PCDH17: variants seen among roughly 807,000 people sequenced by gnomAD.
PCDH17 encodes the protein protocadherin 17.
Under a neutral mutation model 67.7 loss-of-function variants are expected in PCDH17, and 21 were observed. That is an observed-to-expected ratio of 0.31 (90% confidence interval 0.22 to 0.45). The LOEUF is 0.45. PCDH17 is among the 20% of genes least tolerant of loss of function. The pLI, the probability that PCDH17 is intolerant of heterozygous loss-of-function variation, is 1.00. For missense variants in PCDH17, 1,471 were observed against 1,564.8 expected, an observed-to-expected ratio of 0.94 and a Z score of 1.01; for synonymous variants, 701 against 656.7, an observed-to-expected ratio of 1.07 and a Z score of -1.03.
At chr13:57,710,831 T>C (rs1955769404) in intron 3 of PCDH17, among the ~76,000 whole-genome samples, 1 of 151,996 alleles carries the variant, frequency 6.6e-6, no homozygotes, top group Admixed American at 6.6e-5. Flanking sequence ...AAGGTTGCTT[T>C]ATTTCTTGTA....
chr13:57,671,000 G>A (rs1955313484), intron 3 of PCDH17, among the ~76,000 whole-genome samples: 1 of 151,876 alleles, frequency 6.6e-6, no homozygotes. Context: ...CCCGTTAGTA[G>A]AAAGAGGTTA....
At chr13:57,699,936 C>T (rs1339025266) in intron 3 of PCDH17, among the ~76,000 whole-genome samples, 1 of 152,014 alleles carries the variant, frequency 6.6e-6, no homozygotes, top group East Asian at 1.9e-4. Flanking sequence ...GGATACTAAA[C>T]TTGATCTTTC....
chr13:57,663,221 T>C (rs1406465227), intron 1 of PCDH17, among the ~76,000 whole-genome samples: 1 of 152,168 alleles, frequency 6.6e-6, no homozygotes, highest in Admixed American at 6.5e-5. Context: ...TAAAAGTCAC[T>C]GTGTTCAAGT....
intron 3 of PCDH17, among the ~76,000 whole-genome samples, chr13:57,673,050 C>T (rs1955343019): frequency 6.6e-6 from 1 of 151,978 alleles, no homozygotes. Flanking sequence ...AAGTGATTAA[C>T]TTCTTCTAAT....
chr13:57,648,195 C>T (rs1954989501), intron 1 of PCDH17, among the ~76,000 whole-genome samples: 2 of 151,900 alleles, frequency 1.3e-5, no homozygotes, highest in Middle Eastern at 6.8e-3. Context: ...AGGAAAGGAG[C>T]TGTGGTTCAA....
At chr13:57,681,338 T>G (rs1427329169) in intron 3 of PCDH17, among the ~76,000 whole-genome samples, 1 of 151,850 alleles carries the variant, frequency 6.6e-6, no homozygotes, top group Non-Finnish European at 1.5e-5. Context: ...ACCTTATTCT[T>G]TATAACTAAA....
intron 3 of PCDH17, among the ~76,000 whole-genome samples, chr13:57,692,433 A>G (rs1198735154): frequency 6.6e-6 from 1 of 151,334 alleles, no homozygotes; most frequent in Non-Finnish European, 1.5e-5. Context: ...GCTTGTATTC[A>G]CAATGAAATA....
upstream of PCDH17, among the ~76,000 whole-genome samples, chr13:57,630,188 G>A (rs184847008): frequency 1.3e-5 from 2 of 152,184 alleles, no homozygotes; most frequent in Non-Finnish European, 2.9e-5. Flanking sequence ...CTGGGGAGAC[G>A]CTACTCCAAC....
chr13:57,674,670 C>T (rs561543205), intron 3 of PCDH17, among the ~76,000 whole-genome samples: 132 of 151,876 alleles, frequency 8.7e-4, no homozygotes, highest in Non-Finnish European at 1.1e-3. Flanking sequence ...TTATTAAGTA[C>T]GCTTTTATGG....
At chr13:57,662,085 T>A (rs183301695) in intron 1 of PCDH17, among the ~76,000 whole-genome samples, 2 of 152,250 alleles carry the variant, frequency 1.3e-5, no homozygotes, top group Admixed American at 1.3e-4. Context: ...CAGGCTGGTC[T>A]CGAACTCCTG....
Position 57,635,065 on chromosome 13 carries a change from G to C in PCDH17, c.2519G>C (p.Gly840Ala). 6.2e-7 allele frequency: 1 copy of C among 1,613,632 alleles called. No homozygotes were observed. The highest frequency in any genetic ancestry group is 1.1e-5 in the South Asian group (1 of 91,070). Residue 840 changes from glycine (G) to alanine (A), a missense_variant, in exon 1 of 4, where the codon GGG becomes GCG. By Grantham distance (60) the Gly-to-Ala change is moderately conservative. Transcript: ENST00000377918. ...TGCCACACCAGCTTCACCGGACAAG[G>C]GACTAATGCAAGCGAGACCCCTGCC... is the stretch of plus-strand genomic sequence containing the variant. ...AGCHTSFTGQGTNASETPATR... is the reference protein window; with the variant it reads ...AGCHTSFTGQATNASETPATR...
At chr13:57,697,281 T>A (rs757802061) in intron 3 of PCDH17, among the ~76,000 whole-genome samples, 7 of 151,830 alleles carry the variant, frequency 4.6e-5, no homozygotes, top group Non-Finnish European at 8.9e-5. Context: ...AGATTAGCCA[T>A]GTTGCAGAAC....
chr13:57,640,613 G>T (rs1313899711), intron 1 of PCDH17, among the ~76,000 whole-genome samples: 1 of 151,978 alleles, frequency 6.6e-6, no homozygotes, highest in Non-Finnish European at 1.5e-5. Context: ...CCCTAGAGCG[G>T]GGGGACTTAA....
At chr13:57,661,384 C>A (rs1349602487) in intron 1 of PCDH17, among the ~76,000 whole-genome samples, 2 of 152,102 alleles carry the variant, frequency 1.3e-5, no homozygotes, top group African/African-American at 2.4e-5. Flanking sequence ...AGTCTGCATG[C>A]AACATTATAG....
At chr13:57,661,746 T>C (rs1955186342) in intron 1 of PCDH17, among the ~76,000 whole-genome samples, 1 of 152,188 alleles carries the variant, frequency 6.6e-6, no homozygotes, top group African/African-American at 2.4e-5. Context: ...TTGTTAAACA[T>C]CAACTGTTCA....
At chr13:57,682,151 G>C (rs1177697908) in intron 3 of PCDH17, among the ~76,000 whole-genome samples, 1 of 151,546 alleles carries the variant, frequency 6.6e-6, no homozygotes, top group Admixed American at 6.6e-5. Flanking sequence ...GCCCTCCCCA[G>C]CCATCTTCCT....
intron 3 of PCDH17, among the ~76,000 whole-genome samples, chr13:57,685,384 G>A (rs541457767): frequency 7.8e-4 from 119 of 151,940 alleles, no homozygotes; most frequent in Non-Finnish European, 1.6e-3. Flanking sequence ...CTCAAATATA[G>A]TTTGCATTGA....
At chr13:57,650,791 A>G (rs1955026861) in intron 1 of PCDH17, among the ~76,000 whole-genome samples, 1 of 152,190 alleles carries the variant, frequency 6.6e-6, no homozygotes, top group Non-Finnish European at 1.5e-5. Flanking sequence ...AATTGCCTAT[A>G]ATTTACTACT....
At chr13:57,636,272 C>T (rs1330665109) in intron 1 of PCDH17, among the ~76,000 whole-genome samples, 3 of 152,078 alleles carry the variant, frequency 2.0e-5, no homozygotes, top group Non-Finnish European at 4.4e-5. Context: ...CAAAATTGAG[C>T]TTAACTGAAA....
Sources: allele counts gnomAD v4.1 joint callset (sites outside exome capture counted in the v4.1 genomes callset), GRCh38; gene constraint gnomAD v4.1.1; transcripts MANE v1.5; gene names NCBI Gene and HGNC (gene_info 2026-07-23, HGNC 2026-07-21).